KAT8: variants seen among roughly 807,000 people sequenced by gnomAD.
KAT8 encodes lysine acetyltransferase 8.
Under a neutral mutation model 62.9 loss-of-function variants are expected in KAT8, and 40 were observed. The ratio of observed to expected loss-of-function variants is 0.64; its 90% CI spans 0.49 to 0.83. KAT8 has a LOEUF of 0.83. Among genes scored for constraint, KAT8 ranks in the 40% least tolerant of loss-of-function variants. The pLI, the probability that KAT8 is intolerant of heterozygous loss-of-function variation, is 0.00. For missense variants in KAT8, 387 were observed against 614.8 expected (o/e 0.63, Z 3.92); for synonymous variants, 278 against 254.5 (o/e 1.09, Z -0.88).
intron 6 of KAT8, among the ~76,000 whole-genome samples, chr16:31,129,621 C>T (rs2057558083): frequency 6.6e-6 from 1 of 152,166 alleles, no homozygotes; most frequent in African/African-American, 2.4e-5. Context: ...TTACCAGGCA[C>T]CCAGCTTCAT....
chr16:31,130,999 A>G, intron 10 of KAT8, 99 bp downstream of exon 10: 1 of 1,525,908 alleles, frequency 6.6e-7, no homozygotes, highest in South Asian at 1.2e-5. Context: ...ATGATCCCAA[A>G]CCAGTCAGAC....
rs1287934745 is a variant in KAT8, at chr16:31,117,819, G to A, written c.138G>A (p.Pro46=). ...CGGGCCGCGTCTCTCCGCCGACCCC[G>A]GCGCGCGGCGAGCCGGAAGTCACGG... is the stretch of plus-strand genomic sequence containing the variant. The part of the protein sequence containing the change: ...PSPGRVSPPT[P]ARGEPEVTVE... The change falls in exon 1 of 11, where the codon CCG becomes CCA. Residue 46 remains proline (P), a synonymous_variant. Transcript: ENST00000219797. 1.0e-5 allele frequency: 15 copies of A among 1,439,358 alleles called. No individual in the cohort carries two copies. Among genetic ancestry groups the A allele is most frequent in the Non-Finnish European group, 9.2e-6 (10 of 1,086,782 alleles). The allele number at this position is 1,439,358 out of a possible 1,614,324, so 89.2% of individuals were successfully genotyped here. A position where few individuals can be genotyped will look rare whatever the true frequency, so the allele number is the denominator to read the frequency against.
chr16:31,124,668 G>A (rs551697982), intron 3 of KAT8, among the ~76,000 whole-genome samples: 23 of 148,162 alleles, frequency 1.6e-4, no homozygotes, highest in Middle Eastern at 3.5e-3. Context: ...AGGAGGCGAG[G>A]TTGCAGTGAC....
chr16:31,118,880 C>CTTTTTTTT (rs34659650), intron 1 of KAT8: 8 of 121,992 alleles, frequency 6.6e-5, no homozygotes, highest in African/African-American at 9.1e-5. Context: ...TCCCTTTTGT[C>CTTTTTTTT]TTTTTTTTTT....
chr16:31,119,465 T>C (rs1325246075), intron 1 of KAT8, among the ~76,000 whole-genome samples: 1 of 152,126 alleles, frequency 6.6e-6, no homozygotes, highest in Non-Finnish European at 1.5e-5. Flanking sequence ...TATACATTAA[T>C]GTAGGTTATC....
chr16:31,123,042 G>A (rs2057508422), intron 3 of KAT8, among the ~76,000 whole-genome samples: 1 of 152,004 alleles, frequency 6.6e-6, no homozygotes, highest in African/African-American at 2.4e-5. Flanking sequence ...AATTAGCCGG[G>A]CGTGGTGGTG....
chr16:31,126,660 A>G, intron 3 of KAT8: 1 of 244,434 alleles, frequency 4.1e-6, no homozygotes, highest in South Asian at 4.9e-5. Context: ...TCGGGGAGGT[A>G]GTAACAGTTC....
chr16:31,123,364 G>A (rs766669804), intron 3 of KAT8, among the ~76,000 whole-genome samples: 5 of 151,938 alleles, frequency 3.3e-5, no homozygotes, highest in African/African-American at 9.7e-5. Flanking sequence ...CTACAGGCAC[G>A]CACCATCATG....
chr16:31,126,831 CG>C (rs2057534646), intron 3 of KAT8: 4 of 416,534 alleles, frequency 9.6e-6, no homozygotes, highest in African/African-American at 7.2e-5. Context: ...TCTGGGATAT[CG>C]GGGGTGGGGC....
chr16:31,117,945 G>C (rs981731124), intron 1 of KAT8, 53 bp downstream of exon 1: 1 of 1,230,824 alleles, frequency 8.1e-7, no homozygotes, highest in African/African-American at 1.6e-5. Context: ...GCCAGGGGGT[G>C]GGGCGGGGCC....
Position 31,130,324 on chromosome 16 carries a change from C to T in KAT8, c.970C>T (p.Gln324Ter). The change falls in exon 8 of 11, where the codon CAA (glutamine) becomes TAA (stop). Residue 324 changes from glutamine to a stop codon, truncating the protein, a stop_gained. Coordinates refer to ENST00000219797, the MANE Select transcript of KAT8 (RefSeq NM_032188.3). LOFTEE classifies it high-confidence loss of function. ...CTGCATCCTGACCTTGCCCCCCTAC[C>T]AACGCCGCGGCTACGGGAAGTTCCT... ...VACILTLPPY[Q>*]RRGYGKFLIA... 6.2e-7 allele frequency: 1 copy of T among 1,614,220 alleles called. No individual in the cohort carries two copies. Among genetic ancestry groups the T allele is most frequent in the Non-Finnish European group, 8.5e-7 (1 of 1,180,030 alleles).
At position 31,131,192 on chromosome 16, in the gene KAT8, C is replaced by T. The variant is rs753856436; in HGVS notation, c.1313-3C>T. 1.2e-6 allele frequency: 2 copies of T among 1,614,076 alleles called. No individual in the cohort carries two copies. Among genetic ancestry groups the T allele is most frequent in the South Asian group, 1.1e-5 (1 of 91,070 alleles). On this transcript the variant is annotated splice_polypyrimidine_tract_variant and splice_region_variant and intron_variant, in intron 10 of 10. Coordinates refer to ENST00000219797, the MANE Select transcript of KAT8 (RefSeq NM_032188.3). The stretch of plus-strand genomic sequence containing the variant: ...CCCTGCCTCCCGCCCCTTCTCCCCA[C>T]AGTGGACTCCGTCTGCCTCAAGTGG...
intron 6 of KAT8, 75 bp from the exon 7 acceptor site, chr16:31,129,942 G>A: frequency 1.9e-6 from 3 of 1,556,892 alleles, no homozygotes; most frequent in South Asian, 1.1e-5. Flanking sequence ...GCGTGGGCTG[G>A]TGCCGGCCGC....
At chr16:31,119,384 G>C (rs141573592) in intron 1 of KAT8, among the ~76,000 whole-genome samples, 20 of 152,112 alleles carry the variant, frequency 1.3e-4, no homozygotes, top group African/African-American at 4.8e-4. Flanking sequence ...TCTTAACCTC[G>C]TGATTCACCC....
At chr16:31,118,202 C>A (rs2057465052) in intron 1 of KAT8, 1 of 301,230 alleles carries the variant, frequency 3.3e-6, no homozygotes, top group African/African-American at 2.2e-5. Context: ...AACGCTGCTT[C>A]CTCACCCTCT....
intron 3 of KAT8, among the ~76,000 whole-genome samples, chr16:31,122,065 A>G (rs1410528052): frequency 1.3e-5 from 2 of 152,208 alleles, no homozygotes; most frequent in Non-Finnish European, 1.5e-5. Context: ...CTCAGTTTCT[A>G]AATTTATAAA....
At position 31,123,364 on chromosome 16, in the gene KAT8, G is replaced by T. The variant is rs766669804; in HGVS notation, c.462+2850G>T. Among the ~76,000 whole-genome samples the T allele has an allele frequency of 2.0e-5, 3 of 152,056 alleles. No individual in the cohort carries two copies. In the South Asian group the frequency reaches 6.2e-4, roughly 32 times the overall value. On this transcript the variant is annotated intron_variant, in intron 3 of 10. Coordinates refer to ENST00000219797, the MANE Select transcript of KAT8 (RefSeq NM_032188.3). ...CCCAAGTAGCTGGGACTACAGGCACGCACCATCATGCCTGGCTAATTTTTG... is the reference window on the plus strand; with the variant it reads ...CCCAAGTAGCTGGGACTACAGGCACTCACCATCATGCCTGGCTAATTTTTG...
At chr16:31,130,178 G>T in intron 7 of KAT8, 21 bp downstream of exon 7, 1 of 1,609,064 alleles carries the variant, frequency 6.2e-7, no homozygotes, top group East Asian at 2.2e-5. Context: ...TGGAAACTCG[G>T]GGTGGGGAGG....
intron 9 of KAT8, 68 bp downstream of exon 9, chr16:31,130,674 T>C: frequency 1.2e-6 from 2 of 1,610,690 alleles, no homozygotes; most frequent in Non-Finnish European, 8.5e-7. Flanking sequence ...TGCTTCCTCA[T>C]ACCCTGTCAC....
Sources: gnomAD v4.1 joint callset for allele counts (sites outside exome capture counted in the v4.1 genomes callset) on GRCh38, gnomAD v4.1.1 for gene constraint, MANE v1.5 for transcripts, NCBI Gene and HGNC (gene_info 2026-07-23, HGNC 2026-07-21) for gene names.